RBFOX1: variants seen among roughly 807,000 people sequenced by gnomAD.
RBFOX1 encodes RNA binding fox-1 homolog 1.
In RBFOX1, 8 loss-of-function variants were observed where a neutral mutation model predicts 57.7. The observed-to-expected ratio is 0.14, with a 90% CI of 0.08 to 0.25. The LOEUF (loss-of-function observed/expected upper bound fraction) is 0.25, where lower values mean the gene tolerates loss of function less well. Among genes scored for constraint, RBFOX1 ranks in the 10% least tolerant of loss-of-function variants. RBFOX1 has a pLI of 1.00. For missense variants in RBFOX1, 611 were observed against 548.5 expected (o/e 1.11, Z -1.14); for synonymous variants, 326 against 222.4 (o/e 1.47, Z -4.15).
chr16:6,900,570 C>A (rs1222266797), intron 3 of RBFOX1, among the ~76,000 whole-genome samples: 2 of 152,162 alleles, frequency 1.3e-5, no homozygotes, highest in Non-Finnish European at 2.9e-5. Context: ...TATTTCAGAG[C>A]CTTTTTAGTC....
At chr16:5,376,175 A>G (rs1230823325) in intron 1 of RBFOX1, among the ~76,000 whole-genome samples, 3 of 151,714 alleles carry the variant, frequency 2.0e-5, no homozygotes, top group Non-Finnish European at 4.4e-5. Flanking sequence ...CTCAAAAGAA[A>G]AAAAAAAAAA....
intron 14 of RBFOX1, among the ~76,000 whole-genome samples, 169 bp downstream of exon 14, chr16:7,677,007 C>T (rs2073474962): frequency 6.6e-6 from 1 of 151,952 alleles, no homozygotes; most frequent in African/African-American, 2.4e-5. Context: ...AGAGAGAGGG[C>T]AAATGCTTCA....
At chr16:7,120,580 A>T (rs1367652201) in intron 4 of RBFOX1, among the ~76,000 whole-genome samples, 2 of 151,850 alleles carry the variant, frequency 1.3e-5, no homozygotes, top group African/African-American at 2.4e-5. Context: ...ACTTATTCAA[A>T]ACAAACAGGA....
intron 1 of RBFOX1, among the ~76,000 whole-genome samples, chr16:6,144,958 A>G (rs1244814748): frequency 6.6e-6 from 1 of 152,186 alleles, no homozygotes; most frequent in Admixed American, 6.5e-5. Flanking sequence ...GGAAAAGCCA[A>G]GAGAAGTCCT....
chr16:6,967,354 C>T (rs1023192030), intron 3 of RBFOX1, among the ~76,000 whole-genome samples: 3 of 152,158 alleles, frequency 2.0e-5, no homozygotes, highest in Non-Finnish European at 2.9e-5. Flanking sequence ...GGTTGGCTCT[C>T]ATGTTCCTTG....
chr16:7,089,084 C>A (rs1045229653), intron 4 of RBFOX1, among the ~76,000 whole-genome samples: 6 of 152,142 alleles, frequency 3.9e-5, no homozygotes, highest in African/African-American at 1.4e-4. Flanking sequence ...TACACCCTTG[C>A]CCCCTTTCTT....
chr16:5,776,343 G>A (rs1027251001), intron 3 of RBFOX1, among the ~76,000 whole-genome samples: 50 of 152,102 alleles, frequency 3.3e-4, no homozygotes, highest in African/African-American at 1.2e-3. Flanking sequence ...TTCTTTTTTG[G>A]CACAGAGTTG....
intron 4 of RBFOX1, among the ~76,000 whole-genome samples, chr16:7,417,638 C>G (rs756670165): frequency 1.2e-3 from 182 of 152,184 alleles, no homozygotes; most frequent in Middle Eastern, 3.4e-3. Flanking sequence ...AGCTCCATCA[C>G]AAAGATCCTA....
Position 7,675,003 on chromosome 16 carries a change from G to C in RBFOX1, c.931-1771G>C, listed in dbSNP as rs2072835711. 2.0e-5 allele frequency among the ~76,000 whole-genome samples: 3 copies of C among 152,260 alleles called. No individual in the cohort carries two copies. In the South Asian group the frequency reaches 6.2e-4, roughly 32 times the overall value. Reference sequence around the variant, plus strand: ...GCTGCAAATACTTTTTCTTGTTCCAGAGAGAAACACATTCATACCACACAC... The same window carrying C: ...GCTGCAAATACTTTTTCTTGTTCCACAGAGAAACACATTCATACCACACAC... On this transcript the variant is annotated intron_variant, in intron 13 of 15. Coordinates refer to ENST00000550418, the MANE Select transcript of RBFOX1 (RefSeq NM_018723.4).
intron 3 of RBFOX1, among the ~76,000 whole-genome samples, chr16:6,680,271 TCTC>T (rs142446134): frequency 8.3e-6 from 1 of 120,042 alleles, no homozygotes; most frequent in African/African-American, 3.1e-5. Flanking sequence ...CTTTTCTCTC[TCTC>T]TTTTTTTTTT....
In RBFOX1 at chr16:7,263,047, C is replaced by G. The variant is rs111283572; in HGVS notation, c.27+210949C>G. On this transcript the variant is annotated intron_variant, in intron 4 of 15. Transcript: ENST00000550418. ...AGCCTCTGCAGGTGGAATGACTGTT[C>G]TCTCCTCTAGTCTCTTAGAGTCTGT... is the stretch of plus-strand genomic sequence containing the variant. 5.9e-3 allele frequency among the ~76,000 whole-genome samples: 906 copies of G among 152,312 alleles called. 15 individuals are homozygous for G. Among genetic ancestry groups the G allele is most frequent in the Middle Eastern group, 0.02 (6 of 294 alleles).
intron 3 of RBFOX1, among the ~76,000 whole-genome samples, chr16:5,668,821 T>TG (rs2049930592): frequency 6.6e-6 from 1 of 152,164 alleles, no homozygotes; most frequent in Non-Finnish European, 1.5e-5. Context: ...GGTCTGAAGT[T>TG]GCTGGAGAGG....
intron 2 of RBFOX1, among the ~76,000 whole-genome samples, chr16:6,620,638 C>G (rs1246919161): frequency 1.3e-5 from 2 of 152,044 alleles, no homozygotes; most frequent in Non-Finnish European, 2.9e-5. Flanking sequence ...GTAGAAGATT[C>G]AAGTAAACAT....
intron 3 of RBFOX1, among the ~76,000 whole-genome samples, chr16:5,627,218 A>C (rs1156975660): frequency 6.6e-6 from 1 of 152,224 alleles, no homozygotes; most frequent in Admixed American, 6.5e-5. Flanking sequence ...GCTGAAAATG[A>C]TTCTATCATA....
At chr16:5,857,342 C>A (rs2057097673) in intron 3 of RBFOX1, among the ~76,000 whole-genome samples, 1 of 152,038 alleles carries the variant, frequency 6.6e-6, no homozygotes, top group African/African-American at 2.4e-5. Flanking sequence ...ATGTAATAAT[C>A]ATGAAAAAAT....
intron 2 of RBFOX1, among the ~76,000 whole-genome samples, chr16:6,642,757 G>A (rs1386526218): frequency 6.6e-6 from 1 of 152,102 alleles, no homozygotes; most frequent in Non-Finnish European, 1.5e-5. Flanking sequence ...TGGCTTTACA[G>A]CTTTTTCCTG....
At chr16:5,757,732 C>A (rs1049275954) in intron 3 of RBFOX1, among the ~76,000 whole-genome samples, 108 of 152,312 alleles carry the variant, frequency 7.1e-4, no homozygotes, top group African/African-American at 2.4e-3. Flanking sequence ...TCCTCATCCC[C>A]ACTTCACAGA....
At chr16:5,657,432 C>T (rs1009009883) in intron 3 of RBFOX1, among the ~76,000 whole-genome samples, 1 of 152,100 alleles carries the variant, frequency 6.6e-6, no homozygotes, top group South Asian at 2.1e-4. Flanking sequence ...ATAAAGTACT[C>T]ACAATCACAG....
At chr16:6,655,487 G>T (rs1382178965) in intron 3 of RBFOX1, among the ~76,000 whole-genome samples, 1 of 151,248 alleles carries the variant, frequency 6.6e-6, no homozygotes, top group East Asian at 1.9e-4. Flanking sequence ...GGGGTAGGGG[G>T]CAATGCCATT....
Sources: allele counts gnomAD v4.1 joint callset (sites outside exome capture counted in the v4.1 genomes callset), GRCh38; gene constraint gnomAD v4.1.1; transcripts MANE v1.5; gene names NCBI Gene and HGNC (gene_info 2026-07-23, HGNC 2026-07-21).